The following TENM1 variants were observed in gnomAD, a reference collection of about 807,000 sequenced individuals.
TENM1 encodes teneurin-1.
In TENM1, 35 loss-of-function variants were observed where a neutral mutation model predicts 174.8. The ratio of observed to expected loss-of-function variants is 0.20; its 90% CI spans 0.15 to 0.27. The LOEUF (loss-of-function observed/expected upper bound fraction) is 0.27, where lower values mean the gene tolerates loss of function less well. Among genes scored for constraint, TENM1 ranks in the 10% least tolerant of loss-of-function variants. The probability of loss-of-function intolerance (pLI) is 1.00; values close to 1 mark genes in which losing one functional copy is unlikely to be tolerated. For missense variants in TENM1, 1,633 were observed against 2,130.1 expected (o/e 0.77, Z 4.59); for synonymous variants, 781 against 798.7 (o/e 0.98, Z 0.37).
intron 1 of TENM1, among the ~76,000 whole-genome samples, chrX:124,948,489 A>G: frequency 8.8e-6 from 1 of 113,055 alleles, no homozygotes; most frequent in Non-Finnish European, 1.9e-5. Flanking sequence ...TTTTATTTTA[A>G]TCAATACTCT....
chrX:124,775,578 T>G (rs1318204473), intron 3 of TENM1, among the ~76,000 whole-genome samples: 1 of 111,959 alleles, frequency 8.9e-6, no homozygotes, highest in East Asian at 2.8e-4. Flanking sequence ...GAGAGAGAGA[T>G]AGGCAAGGAG....
chrX:124,907,471 T>A (rs2147624801), intron 1 of TENM1, among the ~76,000 whole-genome samples: 1 of 112,053 alleles, frequency 8.9e-6, no homozygotes, highest in South Asian at 3.7e-4. Flanking sequence ...CTCAATGATA[T>A]CGGTGACACA....
chrX:125,200,648 T>TGAGAGAGA, the TENM1 span, among the ~76,000 whole-genome samples: 1 of 60,143 alleles, frequency 1.7e-5, no homozygotes, highest in African/African-American at 8.6e-5. Flanking sequence ...TGTGTGTGTG[T>TGAGAGAGA]GTGTGTGAGA....
the TENM1 span, among the ~76,000 whole-genome samples, chrX:125,130,532 T>C: frequency 1.1e-3 from 122 of 111,181 alleles, no homozygotes; most frequent in Non-Finnish European, 1.9e-3. Context: ...GTGATGATAG[T>C]ATTTAATATT....
chrX:125,168,023 A>ATG, the TENM1 span, among the ~76,000 whole-genome samples: 6 of 110,919 alleles, frequency 5.4e-5, no homozygotes, highest in South Asian at 3.8e-4. Flanking sequence ...GTGTGTGTGT[A>ATG]TGTGTGTGTG....
intron 3 of TENM1, among the ~76,000 whole-genome samples, chrX:124,844,083 C>T (rs2056558902): frequency 1.8e-5 from 2 of 110,973 alleles, no homozygotes; most frequent in African/African-American, 6.6e-5. Flanking sequence ...TAGATGCACA[C>T]TTTATGTAAG....
chrX:125,141,426 T>A, the TENM1 span, among the ~76,000 whole-genome samples: 1 of 111,880 alleles, frequency 8.9e-6, no homozygotes, highest in Admixed American at 9.5e-5. Flanking sequence ...CCACCTCACT[T>A]CCTGGCATGG....
chrX:125,049,556 T>C, the TENM1 span, among the ~76,000 whole-genome samples: 2 of 112,201 alleles, frequency 1.8e-5, no homozygotes, highest in Admixed American at 9.5e-5. Context: ...TACCTATGAA[T>C]GGAATTGCTG....
chrX:124,629,220 T>C (rs958907422), intron 11 of TENM1, among the ~76,000 whole-genome samples: 1 of 112,588 alleles, frequency 8.9e-6, no homozygotes, highest in Non-Finnish European at 1.9e-5. Flanking sequence ...ATAAACAGCA[T>C]GGCTCAAAGT....
At chrX:124,456,584 G>A (rs2061109166) in intron 22 of TENM1, among the ~76,000 whole-genome samples, 1 of 111,729 alleles carries the variant, frequency 9.0e-6, no homozygotes, top group East Asian at 2.8e-4. Flanking sequence ...CATTTGGGGA[G>A]GTTTCCCCTC....
At chrX:124,642,925 C>T (rs748286162) in intron 10 of TENM1, among the ~76,000 whole-genome samples, 6 of 112,122 alleles carry the variant, frequency 5.4e-5, no homozygotes, top group African/African-American at 1.3e-4. Context: ...TGTGACAACC[C>T]GCCTGCATTT....
chrX:124,606,444 C>A (rs1050169850), intron 11 of TENM1, among the ~76,000 whole-genome samples: 1 of 111,475 alleles, frequency 9.0e-6, no homozygotes, highest in Admixed American at 9.6e-5. Flanking sequence ...TTCTAGTCCT[C>A]ATTTTGCCAT....
At chrX:124,833,399 TA>T (rs745467261) in intron 3 of TENM1, among the ~76,000 whole-genome samples, 1 of 112,208 alleles carries the variant, frequency 8.9e-6, no homozygotes, top group Non-Finnish European at 1.9e-5. Flanking sequence ...TAACTGAACA[TA>T]ATGGACTCTG....
the TENM1 span, among the ~76,000 whole-genome samples, chrX:125,080,473 T>C: frequency 9.0e-6 from 1 of 111,283 alleles, no homozygotes; most frequent in Non-Finnish European, 1.9e-5. Context: ...AACATTTATT[T>C]AGTGTTTACT....
the TENM1 span, among the ~76,000 whole-genome samples, chrX:125,062,593 C>T: frequency 2.3e-4 from 26 of 111,918 alleles, no homozygotes; most frequent in African/African-American, 7.8e-4. Flanking sequence ...AATAGATAAC[C>T]CCTACTTTGC....
the TENM1 span, among the ~76,000 whole-genome samples, chrX:125,196,689 C>T: frequency 2.0e-4 from 22 of 111,464 alleles, no homozygotes; most frequent in East Asian, 5.6e-3. Context: ...ATTTATACAC[C>T]TCTATATTTA....
intron 15 of TENM1, among the ~76,000 whole-genome samples, chrX:124,540,779 C>A (rs769789578): frequency 8.9e-6 from 1 of 111,815 alleles, no homozygotes; most frequent in South Asian, 3.9e-4. Context: ...ATTTGAAGTA[C>A]TTCAGTTTGT....
intron 3 of TENM1, among the ~76,000 whole-genome samples, chrX:124,809,240 C>T (rs1190334453): frequency 9.0e-6 from 1 of 111,386 alleles, no homozygotes; most frequent in Non-Finnish European, 1.9e-5. Context: ...TTCAATTATT[C>T]ATGAATAATG....
intron 6 of TENM1, among the ~76,000 whole-genome samples, chrX:124,663,751 GTTTTTTTTTTTTT>G (rs60541515): frequency 1.1e-5 from 1 of 93,948 alleles, no homozygotes; most frequent in African/African-American, 3.8e-5. Context: ...GTGTGTATTA[GTTTTTTTTTTTTT>G]TTTTAAGTAA....
Sources: gnomAD v4.1 joint callset for allele counts (sites outside exome capture counted in the v4.1 genomes callset) on GRCh38, gnomAD v4.1.1 for gene constraint, MANE v1.5 for transcripts, NCBI Gene and HGNC (gene_info 2026-07-23, HGNC 2026-07-21) for gene names.